FGF14: variants seen among roughly 807,000 people sequenced by gnomAD.
FGF14 encodes the protein fibroblast growth factor 14, also known as fibroblast growth factor homologous factor 4.
FGF14 carries 5 observed loss-of-function variants against 25.5 expected under a neutral mutation model. The ratio of observed to expected loss-of-function variants is 0.20; its 90% CI spans 0.10 to 0.41. FGF14 has a LOEUF of 0.41. Among genes scored for constraint, FGF14 ranks in the 10% least tolerant of loss-of-function variants. The pLI, the probability that FGF14 is intolerant of heterozygous loss-of-function variation, is 1.00. For missense variants in FGF14, 222 were observed against 320.1 expected (o/e 0.69, Z 2.34); for synonymous variants, 138 against 118.3 (o/e 1.17, Z -1.08).
intron 3 of FGF14, among the ~76,000 whole-genome samples, chr13:101,805,403 T>C (rs1309373762): frequency 6.6e-6 from 1 of 152,170 alleles, no homozygotes; most frequent in African/African-American, 2.4e-5. Context: ...TATAGACAGC[T>C]GTAATTTGGT....
In FGF14 at chr13:102,319,211, A is replaced by T. The variant is rs8001080; in HGVS notation, c.208+82260T>A. On this transcript the variant is annotated intron_variant, in intron 1 of 4. Coordinates refer to the FGF14 transcript ENST00000376131. ...TGAGAGTCCCTGAGTAATTCAATTT[A>T]TAGGAAAGGGAGATCAGAAAGAACT... Among the ~76,000 whole-genome samples, 335 of 152,322 alleles carry T rather than the reference A, an allele frequency of 2.2e-3. 1 individual carries two copies. The highest frequency in any genetic ancestry group is 7.4e-3 in the African/African-American group (308 of 41,574).
intron 1 of FGF14, among the ~76,000 whole-genome samples, chr13:102,138,660 G>C (rs552856839): frequency 6.6e-6 from 1 of 151,758 alleles, no homozygotes; most frequent in Admixed American, 6.6e-5. Flanking sequence ...CTCAGCCACC[G>C]AGGAGGCCCT....
intron 1 of FGF14, among the ~76,000 whole-genome samples, chr13:102,399,735 T>C (rs2058658387): frequency 2.0e-5 from 3 of 151,552 alleles, no homozygotes; most frequent in Admixed American, 2.0e-4. Context: ...CGCTGAGGAG[T>C]TAAGAAGAGA....
chr13:102,178,702 G>A (rs2048544346), intron 1 of FGF14, among the ~76,000 whole-genome samples: 1 of 152,062 alleles, frequency 6.6e-6, no homozygotes, highest in Non-Finnish European at 1.5e-5. Context: ...CATCCATGTT[G>A]CTGCAAAAGC....
At chr13:101,993,816 C>T (rs1365498876) in intron 1 of FGF14, among the ~76,000 whole-genome samples, 3 of 151,858 alleles carry the variant, frequency 2.0e-5, no homozygotes, top group Admixed American at 6.6e-5. Context: ...ATGAAAGATA[C>T]AGTTTGTGAC....
rs188147857 is a variant in FGF14, at chr13:102,069,468, C to T, written c.209-194172G>A. On this transcript the variant is annotated intron_variant, in intron 1 of 4. Coordinates refer to the FGF14 transcript ENST00000376131. ...CCACACTGTGAAAGCTTTGTTCTTT[C>T]GCTCTTTGCAATAAATCTTGCTACT... 6.3e-3 allele frequency among the ~76,000 whole-genome samples: 957 copies of T among 152,260 alleles called. 11 individuals are homozygous for T. Among genetic ancestry groups the T allele is most frequent in the African/African-American group, 0.021 (892 of 41,554 alleles).
At chr13:102,259,677 A>G (rs2052621463) in intron 1 of FGF14, among the ~76,000 whole-genome samples, 1 of 152,148 alleles carries the variant, frequency 6.6e-6, no homozygotes, top group Admixed American at 6.5e-5. Flanking sequence ...CCAGCATAGC[A>G]CCTAGAACAG....
intron 1 of FGF14, among the ~76,000 whole-genome samples, chr13:102,272,353 C>T (rs1258484253): frequency 6.6e-6 from 1 of 152,142 alleles, no homozygotes; most frequent in Non-Finnish European, 1.5e-5. Flanking sequence ...GCATTTCTTA[C>T]TCTTTGTTTA....
At chr13:101,897,688 C>A (rs540238602) in intron 1 of FGF14, among the ~76,000 whole-genome samples, 12 of 152,140 alleles carry the variant, frequency 7.9e-5, no homozygotes, top group African/African-American at 2.6e-4. Context: ...TTGTTGCTGC[C>A]AGGAAATAAA....
chr13:102,124,458 A>G (rs1566716597), intron 1 of FGF14, among the ~76,000 whole-genome samples: 1 of 152,136 alleles, frequency 6.6e-6, no homozygotes, highest in Non-Finnish European at 1.5e-5. Context: ...TGGAATATGC[A>G]GCTATTAAAA....
chr13:102,026,564 T>A (rs1342016000), intron 1 of FGF14, among the ~76,000 whole-genome samples: 1 of 152,018 alleles, frequency 6.6e-6, no homozygotes, highest in Non-Finnish European at 1.5e-5. Context: ...GTCATTTTAC[T>A]TTTCCCAGAA....
rs1427934426 is a variant in FGF14, at chr13:102,139,452, T to C, written c.208+262019A>G. 2.0e-5 allele frequency among the ~76,000 whole-genome samples: 3 copies of C among 152,120 alleles called. No individual in the cohort carries two copies. The East Asian group carries it at 5.8e-4, about 29-fold the overall frequency. On this transcript the variant is annotated intron_variant, in intron 1 of 4. Coordinates refer to the FGF14 transcript ENST00000376131. ...GAAAATAACATATATCTTGCAGGAT[T>C]AGTATAATGATTAATGATAAAATAT...
chr13:101,924,862 T>C (rs2034259557), intron 1 of FGF14, among the ~76,000 whole-genome samples: 1 of 152,194 alleles, frequency 6.6e-6, no homozygotes, highest in Admixed American at 6.5e-5. Context: ...AATATACATG[T>C]CTGACACAGT....
At chr13:102,183,945 C>A (rs2048777393) in intron 1 of FGF14, among the ~76,000 whole-genome samples, 1 of 152,164 alleles carries the variant, frequency 6.6e-6, no homozygotes, top group African/African-American at 2.4e-5. Context: ...CCAGTTGGCT[C>A]ATCATACAGG....
intron 1 of FGF14, among the ~76,000 whole-genome samples, chr13:102,238,288 T>C (rs946795518): frequency 1.3e-5 from 2 of 152,194 alleles, no homozygotes; most frequent in African/African-American, 4.8e-5. Context: ...ATAAAACAGG[T>C]TGCAACTACT....
At chr13:102,401,770 G>T in exon 1 of FGF14, 2 of 1,103,632 alleles carry the variant, frequency 1.8e-6, no homozygotes, top group Non-Finnish European at 1.3e-6. Flanking sequence ...TTTGTTTTCG[G>T]CCAGGGTGAA....
intron 1 of FGF14, among the ~76,000 whole-genome samples, chr13:101,990,861 A>G (rs573864879): frequency 2.0e-5 from 3 of 152,300 alleles, no homozygotes; most frequent in African/African-American, 7.2e-5. Context: ...CACATATAGC[A>G]TTAAGATAAT....
chr13:101,720,370 C>G lies in FGF14; in HGVS notation c.*2461G>C, dbSNP rs1224692093. 1 of 152,098 alleles carries G rather than the reference C, an allele frequency of 6.6e-6. No individual in the cohort carries two copies. Among genetic ancestry groups the G allele is most frequent in the East Asian group, 1.9e-4 (1 of 5,160 alleles). The allele number at this position is 152,098 out of a possible 1,614,324, so 9.4% of individuals were successfully genotyped here. On this transcript the variant is annotated 3_prime_UTR_variant, in exon 5 of 5. Transcript: ENST00000376143. ...TAGGGATAAATGCCCTTATAGACACCCCATATATAAAACACAACAGAGATA... is the reference window on the plus strand; with the variant it reads ...TAGGGATAAATGCCCTTATAGACACGCCATATATAAAACACAACAGAGATA...
intron 1 of FGF14, among the ~76,000 whole-genome samples, chr13:101,986,818 C>T (rs61966474): frequency 0.023 from 3,552 of 152,032 alleles, 47 homozygotes; most frequent in Middle Eastern, 0.054. Context: ...TTAAACCTCC[C>T]CCTTTTCACT....
Sources: gnomAD v4.1 joint callset for allele counts (sites outside exome capture counted in the v4.1 genomes callset) on GRCh38, gnomAD v4.1.1 for gene constraint, MANE v1.5 for transcripts, NCBI Gene and HGNC (gene_info 2026-07-23, HGNC 2026-07-21) for gene names.